The following FGGY variants were observed in gnomAD, a reference collection of about 807,000 sequenced individuals.
FGGY encodes the protein FGGY carbohydrate kinase domain containing.
Under a neutral mutation model 71.3 loss-of-function variants are expected in FGGY, and 72 were observed. That is an observed-to-expected ratio of 1.01 (90% confidence interval 0.84 to 1.23). FGGY has a LOEUF of 1.23. Ranked by LOEUF, FGGY falls within the 50% of genes most tolerant of loss-of-function variation. The pLI is 0.00. For missense variants in FGGY, 668 were observed against 682.3 expected (o/e 0.98, Z 0.23); for synonymous variants, 251 against 250.3 (o/e 1.00, Z -0.02).
At chr1:59,658,354 G>A (rs2097241349) in intron 11 of FGGY, among the ~76,000 whole-genome samples, 1 of 152,210 alleles carries the variant, frequency 6.6e-6, no homozygotes, top group Non-Finnish European at 1.5e-5. Flanking sequence ...GGCTTAGGAT[G>A]ATTCAGCGCC....
intron 6 of FGGY, among the ~76,000 whole-genome samples, chr1:59,468,270 A>C (rs1268812419): frequency 6.6e-6 from 1 of 152,218 alleles, no homozygotes; most frequent in Non-Finnish European, 1.5e-5. Context: ...ACTACTAGCT[A>C]ACAGGCAATG....
chr1:59,717,541 T>C (rs550763475), intron 14 of FGGY, among the ~76,000 whole-genome samples: 5 of 152,048 alleles, frequency 3.3e-5, no homozygotes, highest in Non-Finnish European at 7.4e-5. Flanking sequence ...TGATATTCGA[T>C]GGAGAGGCAA....
At chr1:59,560,311 C>G (rs1022598121) in intron 8 of FGGY, among the ~76,000 whole-genome samples, 1 of 152,082 alleles carries the variant, frequency 6.6e-6, no homozygotes, top group African/African-American at 2.4e-5. Flanking sequence ...CAGGGAAAGT[C>G]AGAGAAACTA....
At position 59,472,745 on chromosome 1, in the gene FGGY, A is replaced by G. The variant is rs556479286; in HGVS notation, c.670+15669A>G. Among the ~76,000 whole-genome samples the G allele has an allele frequency of 3.4e-5, 5 of 148,188 alleles. 1 individual carries two copies. The highest frequency in any genetic ancestry group is 4.3e-4 in the South Asian group (2 of 4,664). On this transcript the variant is annotated intron_variant, in intron 6 of 15. Coordinates refer to ENST00000303721, the MANE Select transcript of FGGY (RefSeq NM_018291.5). ...GGACTTGGAGAACCTTTGTGTGGACACTCTGTATCTAGCTAATCTGGTGGG... is the reference window on the plus strand; with the variant it reads ...GGACTTGGAGAACCTTTGTGTGGACGCTCTGTATCTAGCTAATCTGGTGGG...
chr1:59,528,387 A>G (rs1389943875), intron 7 of FGGY, among the ~76,000 whole-genome samples: 2 of 152,210 alleles, frequency 1.3e-5, no homozygotes, highest in African/African-American at 4.8e-5. Flanking sequence ...GCTTAGACTC[A>G]GGCAGCTAGT....
At chr1:59,709,305 C>T (rs535434590) in intron 14 of FGGY, among the ~76,000 whole-genome samples, 1 of 152,296 alleles carries the variant, frequency 6.6e-6, no homozygotes, top group African/African-American at 2.4e-5. Context: ...GAAACTGCCA[C>T]TTTTAAGCCA....
At chr1:59,462,234 C>G (rs1334702716) in intron 6 of FGGY, among the ~76,000 whole-genome samples, 1 of 152,096 alleles carries the variant, frequency 6.6e-6, no homozygotes, top group Non-Finnish European at 1.5e-5. Context: ...ATAAATGGTG[C>G]TGGGAAAACT....
chr1:59,744,480 C>T (rs1285990276), intron 14 of FGGY, among the ~76,000 whole-genome samples: 1 of 152,178 alleles, frequency 6.6e-6, no homozygotes, highest in African/African-American at 2.4e-5. Flanking sequence ...CTCAGCCTTC[C>T]AAAGTGCTGG....
chr1:59,613,824 C>T (rs945506410), intron 9 of FGGY, among the ~76,000 whole-genome samples: 20 of 152,130 alleles, frequency 1.3e-4, no homozygotes, highest in African/African-American at 3.9e-4. Flanking sequence ...ATATCACCAC[C>T]GATCCCATAG....
At chr1:59,319,785 G>T (rs1198548683) in intron 1 of FGGY, among the ~76,000 whole-genome samples, 2 of 152,126 alleles carry the variant, frequency 1.3e-5, no homozygotes, top group African/African-American at 4.8e-5. Context: ...GAGGGTGTGA[G>T]ATCCCGTGCT....
chr1:59,473,928 C>T (rs2093128829), intron 6 of FGGY, among the ~76,000 whole-genome samples: 1 of 152,170 alleles, frequency 6.6e-6, no homozygotes, highest in South Asian at 2.1e-4. Context: ...TAGCTATCCT[C>T]CCTTCCATAA....
intron 14 of FGGY, among the ~76,000 whole-genome samples, chr1:59,690,897 G>A (rs990803741): frequency 2.0e-5 from 3 of 152,302 alleles, no homozygotes; most frequent in Non-Finnish European, 2.9e-5. Context: ...GCTGCTTAAC[G>A]GTTCTCACTT....
At chr1:59,496,565 AC>A (rs2094038588) in intron 6 of FGGY, among the ~76,000 whole-genome samples, 1 of 152,156 alleles carries the variant, frequency 6.6e-6, no homozygotes, top group South Asian at 2.1e-4. Flanking sequence ...TCGAAAAACT[AC>A]CTGTAGAGTG....
chr1:59,516,886 A>T (rs1403896360), intron 7 of FGGY, among the ~76,000 whole-genome samples: 2 of 152,248 alleles, frequency 1.3e-5, no homozygotes, highest in South Asian at 2.1e-4. Flanking sequence ...CTGGACTTTC[A>T]TTCCCAAGGG....
rs532658914 is a variant in FGGY at position 59,698,736 on chromosome 1, C to T, written c.1512+24603C>T. On this transcript the variant is annotated intron_variant, in intron 14 of 15. Coordinates refer to ENST00000303721, the MANE Select transcript of FGGY (RefSeq NM_018291.5). ...CATTACCTTTCACCAGAGTTGAGTT[C>T]GTTTTCCATTTCATCTTTCTGCTTA... The T allele has an allele frequency of 9.4e-5, 93 of 985,128 alleles. No individual in the cohort carries two copies. In the South Asian group the frequency reaches 2.8e-3, roughly 29 times the overall value. The allele number at this position is 985,128 out of a possible 1,614,324, so 61.0% of individuals were successfully genotyped here. A position where few individuals can be genotyped will look rare whatever the true frequency, so the allele number is the denominator to read the frequency against.
intron 8 of FGGY, among the ~76,000 whole-genome samples, chr1:59,571,771 T>C (rs1176862676): frequency 6.6e-6 from 1 of 152,204 alleles, no homozygotes; most frequent in Admixed American, 6.5e-5. Flanking sequence ...ACTTAAAATG[T>C]AGGAACTACA....
At chr1:59,533,959 C>CAACG (rs2095239836) in intron 7 of FGGY, among the ~76,000 whole-genome samples, 1 of 152,212 alleles carries the variant, frequency 6.6e-6, no homozygotes, top group Admixed American at 6.5e-5. Context: ...TCCTCACCAG[C>CAACG]AACGGAACAA....
chr1:59,464,831 A>T (rs985604935), intron 6 of FGGY, among the ~76,000 whole-genome samples: 12 of 152,218 alleles, frequency 7.9e-5, no homozygotes, highest in African/African-American at 1.7e-4. Flanking sequence ...GAAAAAGTTG[A>T]ATTCCTGAAT....
At chr1:59,584,350 C>T (rs1190873048) in intron 8 of FGGY, among the ~76,000 whole-genome samples, 2 of 150,052 alleles carry the variant, frequency 1.3e-5, no homozygotes, top group Non-Finnish European at 2.9e-5. Flanking sequence ...CCCTGGGATG[C>T]AAGGCTTGTT....
Sources: gnomAD v4.1 joint callset for allele counts (sites outside exome capture counted in the v4.1 genomes callset) on GRCh38, gnomAD v4.1.1 for gene constraint, MANE v1.5 for transcripts, NCBI Gene and HGNC (gene_info 2026-07-23, HGNC 2026-07-21) for gene names.